ADAMTS17: variants seen among roughly 807,000 people sequenced by gnomAD.
ADAMTS17 encodes ADAM metallopeptidase with thrombospondin type 1 motif 17, also known as A disintegrin and metalloproteinase with thrombospondin motifs 17.
A neutral mutation model predicts 141.5 loss-of-function variants in ADAMTS17; 113 were observed. The ratio of observed to expected loss-of-function variants is 0.80; its 90% CI spans 0.69 to 0.93. The LOEUF is 0.93. Among genes scored for constraint, ADAMTS17 ranks in the 40% least tolerant of loss-of-function variants. The pLI is 0.00. For missense variants in ADAMTS17, 1,659 were observed against 1,517.9 expected (o/e 1.09, Z -1.54); for synonymous variants, 768 against 630.6 (o/e 1.22, Z -3.27).
chr15:100,197,133 G>C (rs1427184731), intron 8 of ADAMTS17, among the ~76,000 whole-genome samples: 2 of 152,190 alleles, frequency 1.3e-5, no homozygotes, highest in African/African-American at 2.4e-5. Flanking sequence ...CACTCGAACA[G>C]GTCATCAGGG....
At chr15:100,157,748 G>A (rs1791610084) in intron 8 of ADAMTS17, among the ~76,000 whole-genome samples, 1 of 148,884 alleles carries the variant, frequency 6.7e-6, no homozygotes, top group Middle Eastern at 3.5e-3. Context: ...AGACTGCTTG[G>A]CAGAATGGCA....
intron 18 of ADAMTS17, among the ~76,000 whole-genome samples, chr15:100,012,922 A>T (rs2061216634): frequency 6.6e-6 from 1 of 152,166 alleles, no homozygotes; most frequent in Non-Finnish European, 1.5e-5. Flanking sequence ...CTCTGTGAAG[A>T]ATGATAGCAG....
intron 7 of ADAMTS17, among the ~76,000 whole-genome samples, chr15:100,252,180 T>C (rs2043175531): frequency 6.6e-6 from 1 of 152,222 alleles, no homozygotes; most frequent in South Asian, 2.1e-4. Context: ...AGCTTTTATA[T>C]ATTCAAAAGA....
intron 7 of ADAMTS17, among the ~76,000 whole-genome samples, chr15:100,236,203 G>A (rs779301292): frequency 6.7e-6 from 1 of 148,558 alleles, no homozygotes; most frequent in Non-Finnish European, 1.5e-5. Flanking sequence ...AAATGTCTAC[G>A]ATATTTGCAC....
At chr15:100,231,798 T>C (rs554606532) in intron 7 of ADAMTS17, among the ~76,000 whole-genome samples, 1 of 152,310 alleles carries the variant, frequency 6.6e-6, no homozygotes, top group South Asian at 2.1e-4. Context: ...GTATGCATTT[T>C]CTGGCCTCAG....
At chr15:100,116,072 G>A (rs1596474562) in intron 13 of ADAMTS17, among the ~76,000 whole-genome samples, 1 of 146,768 alleles carries the variant, frequency 6.8e-6, no homozygotes, top group South Asian at 2.2e-4. Context: ...ACCGATAAAC[G>A]GGTTCATATG....
Position 100,262,340 on chromosome 15 carries a change from G to C in ADAMTS17, c.873+12C>G. ...TTTTCTGCTTGCTTGAAAGGTGCCTGTGGGGACTTACGGGACGTTGTCGTA... is the reference window on the plus strand; with the variant it reads ...TTTTCTGCTTGCTTGAAAGGTGCCTCTGGGGACTTACGGGACGTTGTCGTA... On this transcript the variant is annotated intron_variant, in intron 5 of 21. Coordinates refer to ENST00000268070, the MANE Select transcript of ADAMTS17 (RefSeq NM_139057.4). The C allele has an allele frequency of 1.2e-6, 2 of 1,612,872 alleles. No homozygotes were observed. Among genetic ancestry groups the C allele is most frequent in the Non-Finnish European group, 1.7e-6 (2 of 1,179,050 alleles).
At chr15:100,014,106 A>G (rs986119143) in intron 18 of ADAMTS17, among the ~76,000 whole-genome samples, 12 of 152,136 alleles carry the variant, frequency 7.9e-5, no homozygotes, top group African/African-American at 1.2e-4. Context: ...TCCTGATTTA[A>G]GCTAGAAGGG....
At chr15:100,164,237 A>G (rs1480194386) in intron 8 of ADAMTS17, among the ~76,000 whole-genome samples, 1 of 152,140 alleles carries the variant, frequency 6.6e-6, no homozygotes, top group East Asian at 1.9e-4. Flanking sequence ...GCCAGGGAGG[A>G]TGATACAAAG....
At chr15:100,046,105 T>G (rs1034301790) in intron 18 of ADAMTS17, among the ~76,000 whole-genome samples, 2 of 152,178 alleles carry the variant, frequency 1.3e-5, no homozygotes, top group African/African-American at 4.8e-5. Flanking sequence ...GATCTCGTAC[T>G]CCTGACCTTA....
At chr15:99,990,974 A>G (rs1034735837) in intron 20 of ADAMTS17, among the ~76,000 whole-genome samples, 11 of 152,354 alleles carry the variant, frequency 7.2e-5, no homozygotes, top group African/African-American at 2.6e-4. Context: ...CCATGTGTAG[A>G]AAACTGAAAC....
At chr15:100,329,991 T>C (rs1156719926) in intron 3 of ADAMTS17, among the ~76,000 whole-genome samples, 1 of 152,188 alleles carries the variant, frequency 6.6e-6, no homozygotes, top group Non-Finnish European at 1.5e-5. Context: ...GATAAGTCTT[T>C]AAACTACAGA....
chr15:100,109,075 A>G lies in ADAMTS17; in HGVS notation c.1930T>C (p.Ser644Pro). 1 of 1,613,514 alleles carries G rather than the reference A, an allele frequency of 6.2e-7. No individual in the cohort carries two copies. The highest frequency in any genetic ancestry group is 1.1e-5 in the South Asian group (1 of 91,038). Residue 644 changes from serine to proline, a missense_variant, in exon 14 of 22, where the codon TCC becomes CCC. Ser to Pro is a moderately conservative substitution (Grantham distance 74, BLOSUM62 -1). Transcript: ENST00000268070. ...ELYCSPLGKE[S>P]PLLVADRVLD... ...ACCCTGTCGGCCACCAGCAGTGGGGACTCCTTCCCGAGGGGCGAGCAGTAG... is the reference window on the plus strand; with the variant it reads ...ACCCTGTCGGCCACCAGCAGTGGGGGCTCCTTCCCGAGGGGCGAGCAGTAG...
At chr15:100,054,216 G>A (rs1471138787) in intron 15 of ADAMTS17, among the ~76,000 whole-genome samples, 162 bp from the exon 16 acceptor site, 1 of 152,150 alleles carries the variant, frequency 6.6e-6, no homozygotes, top group African/African-American at 2.4e-5. Flanking sequence ...TCTGTATACT[G>A]AGAACAAAAG....
At chr15:100,301,740 T>G (rs1290699924) in intron 3 of ADAMTS17, among the ~76,000 whole-genome samples, 1 of 152,202 alleles carries the variant, frequency 6.6e-6, no homozygotes, top group Non-Finnish European at 1.5e-5. Flanking sequence ...TACAGTTTTC[T>G]GATTATCGAA....
At chr15:100,223,829 G>A (rs540574170) in intron 7 of ADAMTS17, among the ~76,000 whole-genome samples, 152 of 151,802 alleles carry the variant, frequency 1.0e-3, no homozygotes, top group African/African-American at 3.6e-3. Flanking sequence ...ATATATGTGT[G>A]TATATATATG....
intron 15 of ADAMTS17, among the ~76,000 whole-genome samples, chr15:100,059,383 T>A (rs979461552): frequency 6.6e-6 from 1 of 152,250 alleles, no homozygotes; most frequent in African/African-American, 2.4e-5. Context: ...TAGCCACGCA[T>A]TTGTGTATCT....
rs73474416 is a variant in ADAMTS17 at position 100,054,834 on chromosome 15, C to T, written c.2138-780G>A. On this transcript the variant is annotated intron_variant, in intron 15 of 21. Transcript: ENST00000268070. Reference sequence around the variant, plus strand: ...GGGCTGAGAATCAACATGCTGCTGACGGGCCATAAGCAGAAACTTGGTTTT... The same window carrying T: ...GGGCTGAGAATCAACATGCTGCTGATGGGCCATAAGCAGAAACTTGGTTTT... 5.1e-3 allele frequency among the ~76,000 whole-genome samples: 772 copies of T among 152,262 alleles called. 9 individuals carry two copies. The highest frequency in any genetic ancestry group is 0.017 in the African/African-American group (700 of 41,552).
chr15:100,126,284 G>A (rs761348016), intron 12 of ADAMTS17: 9 of 152,218 alleles, frequency 5.9e-5, no homozygotes, highest in Non-Finnish European at 8.8e-5. Flanking sequence ...ATGGAGGCAA[G>A]AAACTCCATA....
Sources: gnomAD v4.1 joint callset for allele counts (sites outside exome capture counted in the v4.1 genomes callset) on GRCh38, gnomAD v4.1.1 for gene constraint, MANE v1.5 for transcripts, NCBI Gene and HGNC (gene_info 2026-07-23, HGNC 2026-07-21) for gene names.